TET2: variants seen among roughly 807,000 people sequenced by gnomAD.
TET2 encodes the protein methylcytosine dioxygenase TET2.
TET2 carries 299 observed loss-of-function variants against 142.9 expected under a neutral mutation model. The observed-to-expected ratio is 2.09, with a 90% CI of 1.90 to 2.30. The LOEUF is 2.30. Ranked by LOEUF, TET2 falls within the 30% of genes most tolerant of loss-of-function variation. TET2 has a pLI of 0.00. For missense variants in TET2, 2,418 were observed against 2,378.0 expected (o/e 1.02, Z -0.35); for synonymous variants, 819 against 849.0 (o/e 0.96, Z 0.61).
At chr4:105,147,722 A>C (rs1723095649) in intron 1 of TET2, 1 of 151,958 alleles carries the variant, frequency 6.6e-6, no homozygotes, top group Non-Finnish European at 1.5e-5. Context: ...AGCCTGGGGA[A>C]TGTATGTAAG....
rs1023665300 is a variant in TET2 at position 105,279,336 on chromosome 4, A to G, written c.*2817A>G. ...TAAGGAAGAGAAGAAATTGAGTGGC[A>G]TATTGTAAATATCAGATCTATAATT... On this transcript the variant is annotated 3_prime_UTR_variant, in exon 11 of 11. Transcript: ENST00000380013. 1.3e-5 allele frequency: 3 copies of G among 232,214 alleles called. No homozygotes were observed. The highest frequency in any genetic ancestry group is 4.4e-5 in the African/African-American group (2 of 45,314). 14.4% of individuals were successfully genotyped at this position (232,214 alleles called of 1,614,324 possible).
chr4:105,269,747 G>C lies in TET2; in HGVS notation c.4182G>C (p.Leu1394Phe), dbSNP rs2110301171. Residue 1394 changes from leucine (L) to phenylalanine (F), a missense_variant and splice_region_variant, in exon 9 of 11, where the codon TTG becomes TTC. Leu to Phe is a conservative substitution (Grantham distance 22, BLOSUM62 0). Coordinates refer to ENST00000380013, the MANE Select transcript of TET2 (RefSeq NM_001127208.3). ...ACAACATGCAGAATGGCAGCACATT[G>C]GTAAGTTGGGCTGAGGACAGCTTAG... ...DLHNMQNGSTLVCTLTREDNR... is the reference protein window; with the variant it reads ...DLHNMQNGSTFVCTLTREDNR... 1 of 1,551,478 alleles carries C rather than the reference G, an allele frequency of 6.4e-7. No homozygotes were observed. The highest frequency in any genetic ancestry group is 8.7e-7 in the Non-Finnish European group (1 of 1,146,862).
In TET2 at chr4:105,148,059, TAC is replaced by T. The variant is rs146633281; in HGVS notation, c.-193+1103_-193+1104del. ...CTTTCTTCTCTCTCTCTCATACACA[TAC>T]ACACACACACACACACACACACCTC... On this transcript the variant is annotated intron_variant, in intron 1 of 10. Transcript: ENST00000380013. Among the ~76,000 whole-genome samples the T allele has an allele frequency of 4.3e-3, 640 of 147,164 alleles. 1 individual carries two copies. The highest frequency in any genetic ancestry group is 0.011 in the African/African-American group (438 of 40,374).
intron 1 of TET2, among the ~76,000 whole-genome samples, chr4:105,186,893 A>G (rs1725488533): frequency 6.6e-6 from 1 of 152,250 alleles, no homozygotes; most frequent in Admixed American, 6.5e-5. Context: ...GAACAAAGCC[A>G]GAATTATTGG....
At chr4:105,195,279 T>C (rs1726017156) in intron 2 of TET2, among the ~76,000 whole-genome samples, 1 of 152,136 alleles carries the variant, frequency 6.6e-6, no homozygotes, top group African/African-American at 2.4e-5. Flanking sequence ...TGAAAGAAAA[T>C]TGCAATGTAA....
At chr4:105,163,834 AGAGAGAGAGAGAGAGAGAGAGTGTGTGT>A (rs1161606605) in intron 1 of TET2, among the ~76,000 whole-genome samples, 1 of 138,032 alleles carries the variant, frequency 7.2e-6, no homozygotes, top group African/African-American at 2.7e-5. Flanking sequence ...AGAGAGAGAG[AGAGAGAGAGAGAGAGAGAGAGTGTGTGT>A]GTGTGTGTGT....
At chr4:105,174,441 T>C (rs1406347163) in intron 1 of TET2, among the ~76,000 whole-genome samples, 1 of 152,126 alleles carries the variant, frequency 6.6e-6, no homozygotes, top group East Asian at 1.9e-4. Context: ...CTGAATGAAT[T>C]GGAAAATTAA....
At chr4:105,185,047 G>A (rs1228947933) in intron 1 of TET2, among the ~76,000 whole-genome samples, 1 of 152,146 alleles carries the variant, frequency 6.6e-6, no homozygotes, top group Non-Finnish European at 1.5e-5. Context: ...TTGATCAATG[G>A]TGGATCTATC....
chr4:105,261,868 G>A lies in TET2; in HGVS notation c.4044+20G>A. On this transcript the variant is annotated intron_variant, in intron 8 of 10. Coordinates refer to ENST00000380013, the MANE Select transcript of TET2 (RefSeq NM_001127208.3). ...AATCAGGTAAGTTTAAATAATCATT[G>A]GCAGCAATTGTAACAACTTACTTGT... 1.4e-6 allele frequency: 2 copies of A among 1,404,820 alleles called. No individual in the cohort carries two copies. Among genetic ancestry groups the A allele is most frequent in the Non-Finnish European group, 2.0e-6 (2 of 1,022,654 alleles). The allele number at this position is 1,404,820 out of a possible 1,614,324, so 87.0% of individuals were successfully genotyped here. A position where few individuals can be genotyped will look rare whatever the true frequency, so the allele number is the denominator to read the frequency against.
chr4:105,190,672 G>C (rs1469227318), intron 2 of TET2, 167 bp downstream of exon 2: 1 of 548,776 alleles, frequency 1.8e-6, no homozygotes, highest in Non-Finnish European at 3.2e-6. Flanking sequence ...TAAGATTTGT[G>C]AATTTACTAA....
At chr4:105,267,539 TAA>T (rs35668673) in intron 8 of TET2, among the ~76,000 whole-genome samples, 3,209 of 127,580 alleles carry the variant, frequency 0.025, 84 homozygotes, top group African/African-American at 0.072. Flanking sequence ...CTTAAACCAC[TAA>T]AAAAAAAAAA....
chr4:105,244,584 A>ATCTTTTTTTTTTTT lies in TET2; in HGVS notation c.3803+807_3803+808insCTTTTTTTTTTTTT, dbSNP rs1237638072. ...TGAATGTTCACGGTGCTACACAGAAATGTTTTTTTTTTTTTTTTTTTTTTT... is the reference window on the plus strand; with the variant it reads ...TGAATGTTCACGGTGCTACACAGAAATCTTTTTTTTTTTTTGTTTTTTTTTTTTTTTTTTTTTTT... On this transcript the variant is annotated intron_variant, in intron 6 of 10. Transcript: ENST00000380013. Among the ~76,000 whole-genome samples, 183 of 116,736 alleles carry ATCTTTTTTTTTTTT rather than the reference A, an allele frequency of 1.6e-3. 26 individuals are homozygous for ATCTTTTTTTTTTTT. The highest frequency in any genetic ancestry group is 5.2e-3 in the Middle Eastern group (1 of 194). 76.6% of individuals were successfully genotyped at this position (116,736 alleles called of 152,430 possible). A position where few individuals can be genotyped will look rare whatever the true frequency, so the allele number is the denominator to read the frequency against.
At chr4:105,272,176 T>C (rs1169971871) in intron 9 of TET2, among the ~76,000 whole-genome samples, 2 of 152,182 alleles carry the variant, frequency 1.3e-5, no homozygotes, top group African/African-American at 2.4e-5. Flanking sequence ...GAAAAAACTT[T>C]TAGCCTGTTT....
intron 6 of TET2, among the ~76,000 whole-genome samples, chr4:105,256,158 A>G: frequency 1.3e-5 from 2 of 152,242 alleles, no homozygotes; most frequent in South Asian, 4.1e-4. Context: ...AATAGTTACA[A>G]AAAAATACAT....
intron 4 of TET2, 98 bp from the exon 5 acceptor site, chr4:105,242,736 C>T (rs554603702): frequency 1.3e-6 from 2 of 1,496,488 alleles, no homozygotes; most frequent in South Asian, 2.7e-5. Context: ...AGGATGTGGT[C>T]ATAGAATAAA....
chr4:105,235,924 A>C lies in TET2; in HGVS notation c.1982A>C (p.His661Pro). Residue 661 changes from histidine (H) to proline (P), a missense_variant, in exon 3 of 11, where the codon CAC becomes CCC. Physicochemically the swap from His to Pro is moderately conservative, Grantham distance 77. Coordinates refer to ENST00000380013, the MANE Select transcript of TET2 (RefSeq NM_001127208.3). ...LQFQKPSHQV[H>P]FSKTDHLPKA... ...TTCCAAAAACCCTCACACCAGGTGC[A>C]CTTCTCCAAAACAGACCATTTACCA... 6.2e-7 allele frequency: 1 copy of C among 1,614,132 alleles called. No individual in the cohort carries two copies. Among genetic ancestry groups the C allele is most frequent in the Non-Finnish European group, 8.5e-7 (1 of 1,180,022 alleles).
At chr4:105,219,756 G>A (rs1727705076) in intron 2 of TET2, among the ~76,000 whole-genome samples, 1 of 152,010 alleles carries the variant, frequency 6.6e-6, no homozygotes, top group Admixed American at 6.6e-5. Context: ...TGAATTAGAT[G>A]TTTATTATAT....
At chr4:105,257,790 C>G (rs546015141) in intron 6 of TET2, among the ~76,000 whole-genome samples, 1 of 152,120 alleles carries the variant, frequency 6.6e-6, no homozygotes, top group African/African-American at 2.4e-5. Flanking sequence ...ATTAGCTACA[C>G]CTGAGTCAGT....
chr4:105,231,960 A>T (rs1418862323), intron 2 of TET2, among the ~76,000 whole-genome samples: 1 of 152,198 alleles, frequency 6.6e-6, no homozygotes, highest in Admixed American at 6.5e-5. Context: ...GGTTTGGTGT[A>T]CAGACTATTT....
Sources: allele counts gnomAD v4.1 joint callset (sites outside exome capture counted in the v4.1 genomes callset), GRCh38; gene constraint gnomAD v4.1.1; transcripts MANE v1.5; gene names NCBI Gene and HGNC (gene_info 2026-07-23, HGNC 2026-07-21).